CACUL1: variants seen among roughly 807,000 people sequenced by gnomAD.
CACUL1 encodes CDK2 associated cullin domain 1, also known as CDK2-associated and cullin domain-containing protein 1.
Under a neutral mutation model 45.2 loss-of-function variants are expected in CACUL1, and 13 were observed. That is an observed-to-expected ratio of 0.29 (90% confidence interval 0.19 to 0.46). The LOEUF (loss-of-function observed/expected upper bound fraction) is 0.46. Ranked by LOEUF, CACUL1 falls within the 20% of genes least tolerant of loss-of-function variation. The pLI, the probability that CACUL1 is intolerant of heterozygous loss-of-function variation, is 1.00. For synonymous variants in CACUL1, 197 were observed against 174.2 expected, an observed-to-expected ratio of 1.13 and a Z score of -1.03; for missense variants, 421 against 471.4, an observed-to-expected ratio of 0.89 and a Z score of 0.99.
intron 7 of CACUL1, among the ~76,000 whole-genome samples, chr10:118,687,845 GTTGT>G (rs952157318): frequency 6.6e-6 from 1 of 152,004 alleles, no homozygotes; most frequent in Admixed American, 6.5e-5. Flanking sequence ...TTACATGTTT[GTTGT>G]TTGTTATTTG....
Position 118,741,307 on chromosome 10 carries a change from C to A in CACUL1, c.368-10897G>T, listed in dbSNP as rs138691735. Reference sequence around the variant, plus strand: ...TCTCAAATCCTCGGAAATGGAAAAGCAAATCTATTGAAATTAAATTTTTGT... The same window carrying A: ...TCTCAAATCCTCGGAAATGGAAAAGAAAATCTATTGAAATTAAATTTTTGT... On this transcript the variant is annotated intron_variant, in intron 1 of 8. Coordinates refer to ENST00000369151, the MANE Select transcript of CACUL1 (RefSeq NM_153810.5). Among the ~76,000 whole-genome samples, 321 of 152,198 alleles carry A rather than the reference C, an allele frequency of 2.1e-3. 2 individuals carry two copies. The highest frequency in any genetic ancestry group is 7.5e-3 in the African/African-American group (310 of 41,518).
chr10:118,691,345 C>G lies in CACUL1; in HGVS notation c.945G>C (p.Pro315=). The change falls in exon 7 of 9, where the codon CCG becomes CCC. Residue 315 remains proline (P), a synonymous_variant. Transcript: ENST00000369151. ...ATTCAGAAAGTTCAGATTCCACCGC[C>G]GGAGGGAGAATGTTTGGAATAAATT... The part of the protein sequence containing the change: ...FSKFIPNILP[P]AVESELSEYA... 1.2e-6 allele frequency: 2 copies of G among 1,612,356 alleles called. No individual in the cohort carries two copies. The highest frequency in any genetic ancestry group is 1.3e-5 in the African/African-American group (1 of 74,956).
chr10:118,724,236 C>G (rs1291954000), intron 3 of CACUL1, among the ~76,000 whole-genome samples: 1 of 152,196 alleles, frequency 6.6e-6, no homozygotes, highest in Non-Finnish European at 1.5e-5. Flanking sequence ...TATTAAATTT[C>G]TCAGCTCATT....
At chr10:118,689,970 A>C (rs746669187) in intron 7 of CACUL1, among the ~76,000 whole-genome samples, 1 of 152,218 alleles carries the variant, frequency 6.6e-6, no homozygotes, top group Non-Finnish European at 1.5e-5. Flanking sequence ...TAAGCCTAGA[A>C]AAAAACCTAT....
intron 3 of CACUL1, among the ~76,000 whole-genome samples, chr10:118,721,552 T>C (rs975388068): frequency 2.0e-5 from 3 of 152,180 alleles, no homozygotes; most frequent in Non-Finnish European, 4.4e-5. Context: ...TTATTTGAGA[T>C]AAAAATTGCA....
At chr10:118,705,426 C>T (rs1845423858) in intron 4 of CACUL1, among the ~76,000 whole-genome samples, 1 of 152,174 alleles carries the variant, frequency 6.6e-6, no homozygotes, top group African/African-American at 2.4e-5. Flanking sequence ...GTCCTATTGA[C>T]ATTTAAGACC....
chr10:118,727,746 C>A (rs1845664792), intron 3 of CACUL1, among the ~76,000 whole-genome samples: 1 of 152,174 alleles, frequency 6.6e-6, no homozygotes, highest in Non-Finnish European at 1.5e-5. Flanking sequence ...TGAAGTAAGG[C>A]AGTTGAGATA....
chr10:118,692,304 G>C (rs1166520474), intron 6 of CACUL1: 3 of 151,790 alleles, frequency 2.0e-5, no homozygotes. Context: ...TTTTTTAAAA[G>C]CTCAGGAGAC....
At chr10:118,750,207 T>G (rs1480929439) in intron 1 of CACUL1, among the ~76,000 whole-genome samples, 4 of 151,964 alleles carry the variant, frequency 2.6e-5, no homozygotes, top group African/African-American at 4.8e-5. Flanking sequence ...ACACCTGTAA[T>G]CCCAGCTACT....
intron 7 of CACUL1, among the ~76,000 whole-genome samples, chr10:118,688,413 C>T (rs979397907): frequency 1.3e-5 from 2 of 152,150 alleles, no homozygotes; most frequent in East Asian, 1.9e-4. Flanking sequence ...TCTGGAACCT[C>T]GACTTATAGA....
rs148507671 is a variant in CACUL1 at position 118,697,781 on chromosome 10, CTA to C, written c.797-2553_797-2552del. ...ATCTGCTGCTGCAAAAGTCAACACACTATATTTTCCCAGGAAATTTTCTATCA... is the reference window on the plus strand; with the variant it reads ...ATCTGCTGCTGCAAAAGTCAACACACTATTTTCCCAGGAAATTTTCTATCA... On this transcript the variant is annotated intron_variant, in intron 5 of 8. Transcript: ENST00000369151. Among the ~76,000 whole-genome samples, 906 of 152,342 alleles carry C rather than the reference CTA, an allele frequency of 5.9e-3. 7 individuals are homozygous for C. The highest frequency in any genetic ancestry group is 0.021 in the African/African-American group (874 of 41,578).
At chr10:118,711,148 C>T (rs781589451) in intron 3 of CACUL1, among the ~76,000 whole-genome samples, 2 of 152,226 alleles carry the variant, frequency 1.3e-5, no homozygotes, top group South Asian at 2.1e-4. Flanking sequence ...GGCATCATCT[C>T]GGCTCACTGC....
intron 4 of CACUL1, among the ~76,000 whole-genome samples, chr10:118,706,293 C>T (rs578024920): frequency 6.6e-6 from 1 of 152,326 alleles, no homozygotes; most frequent in African/African-American, 2.4e-5. Context: ...GCCTTAATTC[C>T]TTTATCCACA....
intron 1 of CACUL1, among the ~76,000 whole-genome samples, chr10:118,752,790 ATTTC>A (rs1443995352): frequency 6.6e-6 from 1 of 152,184 alleles, no homozygotes; most frequent in Non-Finnish European, 1.5e-5. Flanking sequence ...AGTTCAAGAT[ATTTC>A]TTCTGATACC....
chr10:118,700,455 C>T (rs560128705), intron 5 of CACUL1, among the ~76,000 whole-genome samples: 85 of 152,174 alleles, frequency 5.6e-4, no homozygotes, highest in African/African-American at 1.7e-3. Flanking sequence ...CAGTGGCTCA[C>T]GCCTGTAATC....
chr10:118,750,598 A>T (rs1845888345), intron 1 of CACUL1, among the ~76,000 whole-genome samples: 1 of 152,208 alleles, frequency 6.6e-6, no homozygotes, highest in African/African-American at 2.4e-5. Flanking sequence ...CTTACAGTCT[A>T]AAGTATACCT....
chr10:118,693,809 A>G (rs903476428), intron 6 of CACUL1: 1 of 444,558 alleles, frequency 2.2e-6, no homozygotes, highest in Non-Finnish European at 4.5e-6. Context: ...ACTACTTTAT[A>G]CAAGTAATTT....
At chr10:118,747,089 C>T (rs1845849935) in intron 1 of CACUL1, among the ~76,000 whole-genome samples, 3 of 152,170 alleles carry the variant, frequency 2.0e-5, no homozygotes, top group South Asian at 4.1e-4. Flanking sequence ...CACTCCTTAC[C>T]AGACTCTAAG....
rs554362191 is a variant in CACUL1 at position 118,678,486 on chromosome 10, G to T, written c.*7642C>A. 83 of 152,188 alleles carry T rather than the reference G, an allele frequency of 5.5e-4. 1 individual carries two copies. Among genetic ancestry groups the T allele is most frequent in the African/African-American group, 1.9e-3 (79 of 41,526 alleles). 9.4% of individuals were successfully genotyped at this position (152,188 alleles called of 1,614,324 possible). On this transcript the variant is annotated 3_prime_UTR_variant, in exon 9 of 9. Coordinates refer to ENST00000369151, the MANE Select transcript of CACUL1 (RefSeq NM_153810.5). ...CCTTTGCTCTTCCATTTATATCGAC[G>T]AATCAAATTGTCAGGTTCCACAGTG...
Sources: gnomAD v4.1 joint callset for allele counts (sites outside exome capture counted in the v4.1 genomes callset) on GRCh38, gnomAD v4.1.1 for gene constraint, MANE v1.5 for transcripts, NCBI Gene and HGNC (gene_info 2026-07-23, HGNC 2026-07-21) for gene names.